MTHFD2L: variants seen among roughly 807,000 people sequenced by gnomAD.
MTHFD2L encodes methylenetetrahydrofolate dehydrogenase (NADP+ dependent) 2 like, also known as bifunctional methylenetetrahydrofolate dehydrogenase/cyclohydrolase 2, mitochondrial.
In MTHFD2L, 29 loss-of-function variants were observed where a neutral mutation model predicts 34.9. The ratio of observed to expected loss-of-function variants is 0.83; its 90% CI spans 0.62 to 1.13. MTHFD2L has a LOEUF of 1.13. Ranked by LOEUF, MTHFD2L falls within the 50% of genes most tolerant of loss-of-function variation. MTHFD2L has a pLI of 0.00. For synonymous variants in MTHFD2L, 167 were observed against 155.7 expected (o/e 1.07, Z -0.54); for missense variants, 481 against 446.5 (o/e 1.08, Z -0.70).
intron 3 of MTHFD2L, among the ~76,000 whole-genome samples, chr4:74,179,572 T>G (rs936463856): frequency 6.6e-6 from 1 of 152,106 alleles, no homozygotes; most frequent in East Asian, 1.9e-4. Context: ...ATAATGTGGC[T>G]TTGTGATTTA....
intron 6 of MTHFD2L, among the ~76,000 whole-genome samples, chr4:74,233,243 C>A (rs536571596): frequency 6.6e-6 from 1 of 152,110 alleles, no homozygotes; most frequent in African/African-American, 2.4e-5. Context: ...AGCTTTAGAT[C>A]CTTATCTTTC....
intron 5 of MTHFD2L, among the ~76,000 whole-genome samples, chr4:74,221,662 A>T (rs1738210282): frequency 6.6e-6 from 1 of 151,952 alleles, no homozygotes; most frequent in African/African-American, 2.4e-5. Flanking sequence ...TTAGCAAAAC[A>T]TATAATTAGA....
intron 6 of MTHFD2L, among the ~76,000 whole-genome samples, chr4:74,247,323 T>G (rs1324094010): frequency 6.6e-6 from 1 of 151,738 alleles, no homozygotes; most frequent in African/African-American, 2.4e-5. Context: ...TTTTATACAT[T>G]GATTTTGTAT....
At chr4:74,281,733 C>T (rs1025841084) in intron 7 of MTHFD2L, among the ~76,000 whole-genome samples, 183 bp downstream of exon 7, 8 of 152,008 alleles carry the variant, frequency 5.3e-5, no homozygotes, top group Non-Finnish European at 8.8e-5. Context: ...CTCTCTTTCC[C>T]TCCCTTTCAT....
chr4:74,115,068 C>A (rs1357190783), intron 2 of MTHFD2L, among the ~76,000 whole-genome samples: 1 of 152,084 alleles, frequency 6.6e-6, no homozygotes, highest in Non-Finnish European at 1.5e-5. Context: ...TATTAAAATG[C>A]CATTTCCCTG....
chr4:74,189,492 T>G (rs1044473749), intron 3 of MTHFD2L, among the ~76,000 whole-genome samples: 3 of 147,168 alleles, frequency 2.0e-5, no homozygotes, highest in Admixed American at 6.7e-5. Context: ...TTCCTTTTTT[T>G]TTTTTTTTTT....
chr4:74,198,344 A>T (rs2110046001), intron 3 of MTHFD2L, among the ~76,000 whole-genome samples: 1 of 152,232 alleles, frequency 6.6e-6, no homozygotes, highest in South Asian at 2.1e-4. Flanking sequence ...TTGTTTGGAG[A>T]ATGGTTCTTA....
upstream of MTHFD2L, among the ~76,000 whole-genome samples, chr4:74,124,014 T>C (rs1721901877): frequency 6.6e-6 from 1 of 152,104 alleles, no homozygotes; most frequent in African/African-American, 2.4e-5. Context: ...TATCACTATA[T>C]ATACTTATAT....
At chr4:74,141,137 A>C (rs971142912) in intron 1 of MTHFD2L, among the ~76,000 whole-genome samples, 2 of 152,220 alleles carry the variant, frequency 1.3e-5, no homozygotes, top group South Asian at 4.1e-4. Flanking sequence ...ATTATGTGAC[A>C]AATTTTCTCA....
chr4:74,185,181 C>CAAAAAAA lies in MTHFD2L; in HGVS notation c.451+9778_451+9779insAAAAAAA, dbSNP rs1730964644. On this transcript the variant is annotated intron_variant, in intron 3 of 7. Transcript: ENST00000325278. ...AAAAAAAAAAAAAAAAAAAAAAAAT[C>CAAAAAAA]TGGAAAATCCCTAAATATTTGAAAA... Among the ~76,000 whole-genome samples the CAAAAAAA allele has an allele frequency of 1.0e-4, 11 of 109,314 alleles. 1 individual carries two copies. Among genetic ancestry groups the CAAAAAAA allele is most frequent in the African/African-American group, 4.4e-4 (8 of 18,106 alleles). The allele number at this position is 109,314 out of a possible 152,430, so 71.7% of individuals were successfully genotyped here. A position where few individuals can be genotyped will look rare whatever the true frequency, so the allele number is the denominator to read the frequency against.
At chr4:74,170,966 C>T (rs1264604300) in intron 1 of MTHFD2L, among the ~76,000 whole-genome samples, 5 of 101,012 alleles carry the variant, frequency 4.9e-5, no homozygotes, top group South Asian at 3.4e-4. Context: ...CATCACACTT[C>T]GGGGACTGTT....
intron 5 of MTHFD2L, among the ~76,000 whole-genome samples, chr4:74,218,265 G>T (rs1301274528): frequency 1.3e-5 from 2 of 151,984 alleles, no homozygotes; most frequent in African/African-American, 4.8e-5. Context: ...TTCAGTGATG[G>T]CTGTAGAGTT....
In MTHFD2L at chr4:74,150,781, GTA is replaced by G. The variant is rs1172502566; in HGVS notation, c.-296-9263_-296-9262del. 3.0e-3 allele frequency among the ~76,000 whole-genome samples: 453 copies of G among 151,566 alleles called. 3 individuals are homozygous for G. The highest frequency in any genetic ancestry group is 0.01 in the African/African-American group (429 of 41,344). The stretch of plus-strand genomic sequence containing the variant: ...TGTGTATATGTATACGTGTGTGTGT[GTA>G]TATATATATAAATATATACATGTGA... On this transcript the variant is annotated intron_variant, in intron 1 of 7. Coordinates refer to the MTHFD2L transcript ENST00000433372.
intron 6 of MTHFD2L, among the ~76,000 whole-genome samples, chr4:74,253,730 G>A (rs999693697): frequency 4.6e-5 from 7 of 151,944 alleles, no homozygotes; most frequent in African/African-American, 9.7e-5. Flanking sequence ...CATGCCCACC[G>A]CAGAACCAGG....
At chr4:74,234,749 CATGT>C (rs1363280545) in intron 6 of MTHFD2L, among the ~76,000 whole-genome samples, 1 of 151,354 alleles carries the variant, frequency 6.6e-6, no homozygotes, top group Admixed American at 6.6e-5. Context: ...ATATTAGATA[CATGT>C]ATGTATGTAT....
At chr4:74,218,458 A>T (rs1737573915) in intron 5 of MTHFD2L, among the ~76,000 whole-genome samples, 1 of 152,150 alleles carries the variant, frequency 6.6e-6, no homozygotes, top group Non-Finnish European at 1.5e-5. Flanking sequence ...CCACTGAAAA[A>T]GTATATGCAA....
At chr4:74,114,619 C>T (rs1721628463) in exon 2 of MTHFD2L, 1 of 152,168 alleles carries the variant, frequency 6.6e-6, no homozygotes, top group African/African-American at 2.4e-5. Flanking sequence ...CTACAGTTCA[C>T]CATTTCAGCC....
rs376410206 is a variant in MTHFD2L, at chr4:74,266,843, A to G, written c.806-14582A>G. On this transcript the variant is annotated intron_variant, in intron 6 of 7. Coordinates refer to ENST00000325278, the MANE Select transcript of MTHFD2L (RefSeq NM_001144978.3). ...AGGAGAAGGGAAAATCTAAGACTGC[A>G]TAAGAGGGGAATACTAGGGATTGTA... is the stretch of plus-strand genomic sequence containing the variant. The G allele has an allele frequency of 2.0e-5, 20 of 985,316 alleles. No individual in the cohort carries two copies. The African/African-American group carries it at 2.6e-4, about 13-fold the overall frequency. The allele number at this position is 985,316 out of a possible 1,614,324, so 61.0% of individuals were successfully genotyped here. A position where few individuals can be genotyped will look rare whatever the true frequency, so the allele number is the denominator to read the frequency against.
chr4:74,207,094 C>T (rs1056574535), intron 5 of MTHFD2L, among the ~76,000 whole-genome samples: 3 of 151,796 alleles, frequency 2.0e-5, no homozygotes, highest in African/African-American at 7.3e-5. Flanking sequence ...AGATGGGGGT[C>T]TCCTTATGTT....
Sources: allele counts gnomAD v4.1 joint callset (sites outside exome capture counted in the v4.1 genomes callset), GRCh38; gene constraint gnomAD v4.1.1; transcripts MANE v1.5; gene names NCBI Gene and HGNC (gene_info 2026-07-23, HGNC 2026-07-21).